GAS7: variants seen among roughly 807,000 people sequenced by gnomAD.
The protein encoded by GAS7 is growth arrest specific 7.
A neutral mutation model predicts 71.1 loss-of-function variants in GAS7; 28 were observed. The ratio of observed to expected loss-of-function variants is 0.39; its 90% CI spans 0.29 to 0.54. GAS7 has a LOEUF of 0.54. GAS7 is among the 20% of genes least tolerant of loss of function. The pLI is 0.62. For synonymous variants in GAS7, 258 were observed against 245.8 expected (o/e 1.05, Z -0.46); for missense variants, 436 against 627.8 (o/e 0.69, Z 3.27).
chr17:10,157,150 A>T (rs2074211549), intron 1 of GAS7, among the ~76,000 whole-genome samples: 2 of 152,096 alleles, frequency 1.3e-5, no homozygotes, highest in Non-Finnish European at 2.9e-5. Context: ...GATTTGACAC[A>T]TGGGACCCCT....
chr17:10,009,308 G>A (rs866198659), intron 2 of GAS7, among the ~76,000 whole-genome samples: 2 of 106,878 alleles, frequency 1.9e-5, no homozygotes, highest in Non-Finnish European at 3.8e-5. Flanking sequence ...GCGACAGAGC[G>A]AGACTCCGTC....
intron 1 of GAS7, among the ~76,000 whole-genome samples, chr17:10,095,816 A>T (rs562476478): frequency 1.3e-3 from 205 of 151,862 alleles, no homozygotes; most frequent in African/African-American, 4.3e-3. Flanking sequence ...AAAAAAAAAA[A>T]AATAAGGTTC....
intron 1 of GAS7, among the ~76,000 whole-genome samples, chr17:10,161,482 C>G (rs751102190): frequency 4.6e-5 from 7 of 152,184 alleles, no homozygotes; most frequent in Non-Finnish European, 8.8e-5. Context: ...CACAAATATC[C>G]ACTACAGTAG....
rs762641505 is a variant in GAS7 at position 9,914,559 on chromosome 17, G to T, written c.*2669C>A. The T allele has an allele frequency of 3.9e-4, 78 of 197,520 alleles. No individual in the cohort carries two copies. The highest frequency in any genetic ancestry group is 7.6e-4 in the Non-Finnish European group (72 of 95,354). The allele number at this position is 197,520 out of a possible 1,614,324, so 12.2% of individuals were successfully genotyped here. ...TAAAGAGTTATTTAAAGCAAACAGA[G>T]AAATTTCTGAAATTCGAATTGGATA... On this transcript the variant is annotated 3_prime_UTR_variant, in exon 14 of 14. Coordinates refer to ENST00000432992, the MANE Select transcript of GAS7 (RefSeq NM_201433.2).
intron 1 of GAS7, among the ~76,000 whole-genome samples, chr17:10,162,003 C>A (rs1231661257): frequency 6.7e-6 from 1 of 148,674 alleles, no homozygotes; most frequent in Non-Finnish European, 1.5e-5. Context: ...GGAGGCGGAG[C>A]CTGCAGTGAG....
chr17:9,982,332 G>A (rs989042401), intron 2 of GAS7, among the ~76,000 whole-genome samples: 3 of 152,184 alleles, frequency 2.0e-5, no homozygotes, highest in Admixed American at 6.5e-5. Flanking sequence ...AGAGGTGCAG[G>A]AGCCTGTAAA....
chr17:10,032,916 T>C (rs1212869930), intron 1 of GAS7, among the ~76,000 whole-genome samples: 2 of 152,160 alleles, frequency 1.3e-5, no homozygotes, highest in Non-Finnish European at 2.9e-5. Flanking sequence ...GGAAATGAAA[T>C]GCATGCCCAA....
intron 2 of GAS7, among the ~76,000 whole-genome samples, chr17:10,011,820 T>C (rs1471057828): frequency 6.6e-6 from 1 of 151,888 alleles, no homozygotes. Context: ...CTACTAAAAA[T>C]ACAAAATTAG....
intron 1 of GAS7, among the ~76,000 whole-genome samples, chr17:10,084,577 C>G (rs1267030814): frequency 2.6e-5 from 4 of 152,158 alleles, no homozygotes; most frequent in African/African-American, 9.7e-5. Flanking sequence ...AGTGATTCTC[C>G]TGCCTCAGCC....
chr17:10,064,204 C>G (rs564327309), intron 1 of GAS7, among the ~76,000 whole-genome samples: 2 of 152,318 alleles, frequency 1.3e-5, no homozygotes, highest in South Asian at 4.1e-4. Flanking sequence ...CCGGGCTCCA[C>G]GACACGCAGG....
intron 2 of GAS7, among the ~76,000 whole-genome samples, chr17:10,013,609 GT>G: frequency 6.6e-6 from 1 of 152,208 alleles, no homozygotes; most frequent in Non-Finnish European, 1.5e-5. Context: ...GCATTGGCAA[GT>G]TTATATGAAA....
At chr17:9,973,530 C>G (rs980049754) in intron 3 of GAS7, among the ~76,000 whole-genome samples, 2 of 152,044 alleles carry the variant, frequency 1.3e-5, no homozygotes, top group African/African-American at 4.8e-5. Context: ...CTGGGATTAC[C>G]GGCATGAGCC....
intron 1 of GAS7, among the ~76,000 whole-genome samples, chr17:10,180,659 T>C (rs571849238): frequency 6.6e-6 from 1 of 152,310 alleles, no homozygotes; most frequent in South Asian, 2.1e-4. Flanking sequence ...AGGGATGTTC[T>C]ATTTGAGTCA....
At chr17:10,161,653 ACTCAGTCATT>A (rs2074256880) in intron 1 of GAS7, among the ~76,000 whole-genome samples, 1 of 152,168 alleles carries the variant, frequency 6.6e-6, no homozygotes, top group Admixed American at 6.5e-5. Flanking sequence ...CAGTTGTTCC[ACTCAGTCATT>A]AACTATTACA....
intron 1 of GAS7, among the ~76,000 whole-genome samples, chr17:10,180,265 C>T (rs547916754): frequency 2.6e-4 from 38 of 146,150 alleles, no homozygotes; most frequent in South Asian, 4.3e-4. Context: ...CGCTTGAACC[C>T]GAGAGGCGGA....
chr17:10,023,057 C>A (rs1314208227), intron 1 of GAS7, among the ~76,000 whole-genome samples: 1 of 152,130 alleles, frequency 6.6e-6, no homozygotes, highest in African/African-American at 2.4e-5. Flanking sequence ...TCTCCCGCAA[C>A]GAGGAAATTC....
At chr17:10,024,114 ACT>A (rs2072375820) in intron 1 of GAS7, among the ~76,000 whole-genome samples, 1 of 151,942 alleles carries the variant, frequency 6.6e-6, no homozygotes, top group South Asian at 2.1e-4. Context: ...ACAGAGTGAG[ACT>A]CTGTTTCAAA....
intron 1 of GAS7, among the ~76,000 whole-genome samples, chr17:10,025,412 GAT>G (rs1333958381): frequency 6.6e-6 from 1 of 151,794 alleles, no homozygotes; most frequent in African/African-American, 2.4e-5. Flanking sequence ...ACTCAAGCCT[GAT>G]CCTCCTGTCT....
chr17:10,182,252 T>C (rs12936824), intron 1 of GAS7, among the ~76,000 whole-genome samples: 30,187 of 152,032 alleles, frequency 0.2, 3,205 homozygotes, highest in Middle Eastern at 0.26. Flanking sequence ...CTCCACCTCC[T>C]GGGTTCAAGC....
Sources: allele counts gnomAD v4.1 joint callset (sites outside exome capture counted in the v4.1 genomes callset), GRCh38; gene constraint gnomAD v4.1.1; transcripts MANE v1.5; gene names NCBI Gene and HGNC (gene_info 2026-07-23, HGNC 2026-07-21).